LRRTM1: variants seen among roughly 807,000 people sequenced by gnomAD.
LRRTM1 encodes leucine rich repeat transmembrane neuronal 1.
A neutral mutation model predicts 37.3 loss-of-function variants in LRRTM1; 8 were observed. The ratio of observed to expected loss-of-function variants is 0.21; its 90% CI spans 0.13 to 0.39. The LOEUF is 0.39. Among genes scored for constraint, LRRTM1 ranks in the 10% least tolerant of loss-of-function variants. The pLI, the probability that LRRTM1 is intolerant of heterozygous loss-of-function variation, is 1.00. For synonymous variants in LRRTM1, 326 were observed against 316.8 expected, an observed-to-expected ratio of 1.03 and a Z score of -0.31; for missense variants, 557 against 691.0, an observed-to-expected ratio of 0.81 and a Z score of 2.17.
intron 2 of LRRTM1, among the ~76,000 whole-genome samples, chr2:80,294,555 G>GT (rs1573620163): frequency 6.6e-6 from 1 of 152,084 alleles, no homozygotes; most frequent in African/African-American, 2.4e-5. Context: ...AGATTGCTGA[G>GT]TTGTCCATGC....
At position 80,303,711 on chromosome 2, in the gene LRRTM1, TG is replaced by T; in HGVS notation, c.108del (p.Ser37AlafsTer52). 1 of 1,608,242 alleles carries T rather than the reference TG, an allele frequency of 6.2e-7. No individual in the cohort carries two copies. Among genetic ancestry groups the T allele is most frequent in the South Asian group, 1.1e-5 (1 of 90,362 alleles). On this transcript the variant is annotated frameshift_variant, in exon 2 of 2. Coordinates refer to ENST00000295057, the MANE Select transcript of LRRTM1 (RefSeq NM_178839.5). LOFTEE classifies it high-confidence loss of function. The surrounding 1 kb of genome is among the most constrained non-coding windows in gnomAD (Gnocchi z 7.7). ...CACCGGCACAGCTGCGGGCACCCGCTGGGGGCGGCGGGCAGCATCTGAAAGC... is the reference window on the plus strand; with the variant it reads ...CACCGGCACAGCTGCGGGCACCCGCTGGGGCGGCGGGCAGCATCTGAAAGC... ...GACFQMLPAA[P>X]SGCPQLCRCE...
At chr2:80,300,869 G>C (rs951394309), downstream of LRRTM1, among the ~76,000 whole-genome samples, 1 of 151,156 alleles carries the variant, frequency 6.6e-6, no homozygotes, top group Admixed American at 6.6e-5. Flanking sequence ...TCACTCTTTA[G>C]TTCAATAGAA....
At chr2:80,294,945 G>A (rs1391184987) in intron 2 of LRRTM1, among the ~76,000 whole-genome samples, 1 of 152,206 alleles carries the variant, frequency 6.6e-6, no homozygotes, top group Non-Finnish European at 1.5e-5. Context: ...GGATTGAGGA[G>A]TCAGTGTAAT....
In LRRTM1 at chr2:80,302,549, T is replaced by C. The variant is rs138752097; in HGVS notation, c.1271A>G (p.Gln424Arg). The C allele has an allele frequency of 1.2e-5, 19 of 1,610,014 alleles. No individual in the cohort carries two copies. Among genetic ancestry groups the C allele is most frequent in the Non-Finnish European group, 1.4e-5 (17 of 1,179,668 alleles). The part of the protein sequence containing the change: ...PGGEHAENAV[Q>R]IHKVVTGTMA... ...GGTGCCCGTGACCACCTTGTGGATCTGCACGGCGTTCTCGGCGTGCTCGCC... is the reference window on the plus strand; with the variant it reads ...GGTGCCCGTGACCACCTTGTGGATCCGCACGGCGTTCTCGGCGTGCTCGCC... Residue 424 changes from glutamine (Q) to arginine (R), a missense_variant, in exon 2 of 2, where the codon CAG becomes CGG. Gln to Arg is a conservative substitution (Grantham distance 43). Around this residue, in one of 5 missense-constraint regions of LRRTM1, gnomAD observed 90 missense variants for 149.4 expected, o/e 0.60. Coordinates refer to ENST00000295057, the MANE Select transcript of LRRTM1 (RefSeq NM_178839.5). This position sits in a 1 kb window ranked among gnomAD's most constrained non-coding sequence, Gnocchi z 6.4.
At chr2:80,294,298 G>A (rs1289344035) in intron 2 of LRRTM1, among the ~76,000 whole-genome samples, 4 of 152,132 alleles carry the variant, frequency 2.6e-5, no homozygotes, top group Non-Finnish European at 4.4e-5. Context: ...TCTAAACAGC[G>A]CTTTGTAAAC....
intron 2 of LRRTM1, among the ~76,000 whole-genome samples, chr2:80,296,819 A>G (rs1385445809): frequency 6.6e-6 from 1 of 152,122 alleles, no homozygotes; most frequent in Admixed American, 6.5e-5. Context: ...CAGTAGCACC[A>G]TCTCACCCAT....
Position 80,302,690 on chromosome 2 carries a change from G to A in LRRTM1, c.1130C>T (p.Ala377Val). Residue 377 changes from alanine (A) to valine (V), a missense_variant, in exon 2 of 2, where the codon GCC (alanine) becomes GTC (valine). By Grantham distance (64) the Ala-to-Val change is moderately conservative. Coordinates refer to ENST00000295057, the MANE Select transcript of LRRTM1 (RefSeq NM_178839.5). The surrounding 1 kb of genome is among the most constrained non-coding windows in gnomAD (Gnocchi z 6.4). ...AEPTSGHLLS[A>V]VTNRSDLGPP... ...CCCCAGATCACTGCGGTTGGTGACGGCCGAGAGCAGGTGGCCGCTGGTGGG... is the reference window on the plus strand; with the variant it reads ...CCCCAGATCACTGCGGTTGGTGACGACCGAGAGCAGGTGGCCGCTGGTGGG... The A allele has an allele frequency of 6.2e-7, 1 of 1,612,360 alleles. No individual in the cohort carries two copies. The highest frequency in any genetic ancestry group is 1.1e-5 in the South Asian group (1 of 91,040).
At chr2:80,295,901 A>C (rs1025988596) in intron 2 of LRRTM1, among the ~76,000 whole-genome samples, 1 of 152,264 alleles carries the variant, frequency 6.6e-6, no homozygotes, top group Middle Eastern at 3.4e-3. Flanking sequence ...AACCTCACTC[A>C]TCTGTGTTGC....
chr2:80,302,166 A>C lies in LRRTM1; in HGVS notation c.*85T>G. 1 of 1,517,102 alleles carries C rather than the reference A, an allele frequency of 6.6e-7. No homozygotes were observed. The highest frequency in any genetic ancestry group is 8.9e-7 in the Non-Finnish European group (1 of 1,127,920). The allele number at this position is 1,517,102 out of a possible 1,614,324, so 94.0% of individuals were successfully genotyped here. A position where few individuals can be genotyped will look rare whatever the true frequency, so the allele number is the denominator to read the frequency against. On this transcript the variant is annotated 3_prime_UTR_variant, in exon 2 of 2. Transcript: ENST00000295057. This position sits in a 1 kb window ranked among gnomAD's most constrained non-coding sequence, Gnocchi z 6.4. ...CAAGGAGCATATCAGAGCACAGACAAGGAGACCCCAGCCTGGTGCCCGCCG... is the reference window on the plus strand; with the variant it reads ...CAAGGAGCATATCAGAGCACAGACACGGAGACCCCAGCCTGGTGCCCGCCG...
intron 2 of LRRTM1, among the ~76,000 whole-genome samples, chr2:80,295,448 AT>A (rs960427010): frequency 1.4e-4 from 22 of 151,868 alleles, no homozygotes; most frequent in East Asian, 7.7e-4. Flanking sequence ...CTCTCAGTGA[AT>A]TTTTTTTTAA....
Position 80,302,507 on chromosome 2 carries a change from GAGA to G in LRRTM1, c.1310_1312del (p.Phe437del). On this transcript the variant is annotated inframe_deletion, in exon 2 of 2. Transcript: ENST00000295057. The surrounding 1 kb of genome is among the most constrained non-coding windows in gnomAD (Gnocchi z 6.4). ...GAGCACCAGGACCACGATGAGGAAG[GAGA>G]AGATGAGGGCCATGGTGCCCGTGAC... 1 of 1,613,276 alleles carries G rather than the reference GAGA, an allele frequency of 6.2e-7. No individual in the cohort carries two copies. The highest frequency in any genetic ancestry group is 8.5e-7 in the Non-Finnish European group (1 of 1,180,036).
rs567845758 is a variant in LRRTM1 at position 80,303,151 on chromosome 2, C to T, written c.669G>A (p.Lys223=). ...ELHLEHNDLV[K]VNFAHFPRLI... Reference sequence around the variant, plus strand: ...GGCGCGGGAAGTGGGCGAAGTTCACCTTGACCAAGTCGTTGTGCTCGAGGT... The same window carrying T: ...GGCGCGGGAAGTGGGCGAAGTTCACTTTGACCAAGTCGTTGTGCTCGAGGT... The change falls in exon 2 of 2, where the codon AAG becomes AAA. Residue 223 remains lysine, a synonymous_variant. Transcript: ENST00000295057. This position sits in a 1 kb window ranked among gnomAD's most constrained non-coding sequence, Gnocchi z 7.7. The T allele has an allele frequency of 2.2e-5, 35 of 1,614,132 alleles. No individual in the cohort carries two copies. The highest frequency in any genetic ancestry group is 2.8e-5 in the Non-Finnish European group (33 of 1,180,020).
chr2:80,300,973 C>T (rs763024738), downstream of LRRTM1, among the ~76,000 whole-genome samples: 1 of 151,808 alleles, frequency 6.6e-6, no homozygotes, highest in Non-Finnish European at 1.5e-5. Flanking sequence ...GGAAAGCAAG[C>T]ATTACACAAA....
downstream of LRRTM1, among the ~76,000 whole-genome samples, chr2:80,301,402 T>C (rs1676295452): frequency 6.6e-6 from 1 of 152,154 alleles, no homozygotes; most frequent in Non-Finnish European, 1.5e-5. Flanking sequence ...AATCAAAGAC[T>C]CAGGAGAATT....
intron 2 of LRRTM1, chr2:80,289,297 C>T (rs960830708): frequency 1.3e-5 from 2 of 152,220 alleles, no homozygotes; most frequent in African/African-American, 4.8e-5. Flanking sequence ...TTGTAACTTC[C>T]CTCTTAACAT....
At chr2:80,294,664 A>G (rs1675583970) in intron 2 of LRRTM1, among the ~76,000 whole-genome samples, 1 of 152,030 alleles carries the variant, frequency 6.6e-6, no homozygotes, top group Non-Finnish European at 1.5e-5. Flanking sequence ...AATAAAAATA[A>G]TTCTCCTCAC....
intron 2 of LRRTM1, among the ~76,000 whole-genome samples, chr2:80,289,735 AG>A (rs2149176012): frequency 6.6e-6 from 1 of 152,304 alleles, no homozygotes. Flanking sequence ...GAGTCACACT[AG>A]TGACTGTCTA....
At chr2:80,293,949 AC>A (rs111680428) in intron 2 of LRRTM1, among the ~76,000 whole-genome samples, 3,484 of 152,256 alleles carry the variant, frequency 0.023, 125 homozygotes, top group African/African-American at 0.075. Context: ...ATGATGTCAA[AC>A]TTTGTAACTG....
At chr2:80,301,628 C>T (rs72928793), downstream of LRRTM1, among the ~76,000 whole-genome samples, 1,966 of 152,272 alleles carry the variant, frequency 0.013, 35 homozygotes, top group African/African-American at 0.043. Flanking sequence ...GTCCCTGCCC[C>T]AGTAATATAA....
Sources: gnomAD v4.1 joint callset for allele counts (sites outside exome capture counted in the v4.1 genomes callset) on GRCh38, gnomAD v4.1.1 for gene constraint, gnomAD v4.1.1 regional missense constraint, Gnocchi (gnomAD v3.1) non-coding constraint, MANE v1.5 for transcripts, NCBI Gene and HGNC (gene_info 2026-07-23, HGNC 2026-07-21) for gene names.